CD244: variants seen among roughly 807,000 people sequenced by gnomAD.
CD244 encodes the protein CD244 molecule, also known as natural killer cell receptor 2B4.
A neutral mutation model predicts 45.5 loss-of-function variants in CD244; 20 were observed. The ratio of observed to expected loss-of-function variants is 0.44; its 90% CI spans 0.31 to 0.64. The LOEUF (loss-of-function observed/expected upper bound fraction) is 0.64, where lower values mean the gene tolerates loss of function less well. Among genes scored for constraint, CD244 ranks in the 30% least tolerant of loss-of-function variants. The probability of loss-of-function intolerance (pLI) is 0.08; values close to 1 mark genes in which losing one functional copy is unlikely to be tolerated. For synonymous variants in CD244, 185 were observed against 160.5 expected, an observed-to-expected ratio of 1.15 and a Z score of -1.15; for missense variants, 407 against 426.9, an observed-to-expected ratio of 0.95 and a Z score of 0.41.
In CD244 at chr1:160,841,727, G is replaced by T. The variant is rs1161718582; in HGVS notation, c.236C>A (p.Ser79Tyr). Residue 79 changes from serine to tyrosine, a missense_variant, in exon 2 of 9, where the codon TCC becomes TAC. Coordinates refer to ENST00000368034, the MANE Select transcript of CD244 (RefSeq NM_016382.4). ...GACTATAAAACTGAATCTATCATTG[G>T]AAGTATTGGAAGGCAAAGAGCCATT... ...WENGSLPSNTSNDRFSFIVKN... is the reference protein window; with the variant it reads ...WENGSLPSNTYNDRFSFIVKN... 1 of 1,614,162 alleles carries T rather than the reference G, an allele frequency of 6.2e-7. No individual in the cohort carries two copies.
At position 160,841,662 on chromosome 1, in the gene CD244, C is replaced by A; in HGVS notation, c.301G>T (p.Asp101Tyr). The A allele has an allele frequency of 1.2e-6, 2 of 1,614,146 alleles. No individual in the cohort carries two copies. Among genetic ancestry groups the A allele is most frequent in the Non-Finnish European group, 1.7e-6 (2 of 1,180,000 alleles). ...ACCTCCAGGCAGTAGAGGCCACTGTCCTGCTGCTGAGCTGCCTTGATGAGA... is the reference window on the plus strand; with the variant it reads ...ACCTCCAGGCAGTAGAGGCCACTGTACTGCTGCTGAGCTGCCTTGATGAGA... Reference protein sequence around the residue: ...SLLIKAAQQQDSGLYCLEVTS... With the variant: ...SLLIKAAQQQYSGLYCLEVTS... The change falls in exon 2 of 9, where the codon GAC becomes TAC. Residue 101 changes from aspartate (D) to tyrosine (Y), a missense_variant. Asp to Tyr is a radical substitution (Grantham distance 160). Coordinates refer to ENST00000368034, the MANE Select transcript of CD244 (RefSeq NM_016382.4).
intron 7 of CD244, among the ~76,000 whole-genome samples, chr1:160,833,281 A>G (rs983322263): frequency 3.9e-5 from 6 of 152,312 alleles, no homozygotes; most frequent in African/African-American, 1.4e-4. Context: ...AGGTTGAATG[A>G]AAAGTCTGAA....
At chr1:160,846,430 G>T (rs906238425) in intron 1 of CD244, among the ~76,000 whole-genome samples, 20 of 152,244 alleles carry the variant, frequency 1.3e-4, no homozygotes, top group African/African-American at 4.6e-4. Flanking sequence ...ACTTTGGGAG[G>T]CTGAAGCAGG....
At chr1:160,846,387 G>A (rs776159176) in intron 1 of CD244, among the ~76,000 whole-genome samples, 1 of 152,184 alleles carries the variant, frequency 6.6e-6, no homozygotes, top group African/African-American at 2.4e-5. Flanking sequence ...AAAGATGAAA[G>A]CAGATGCAGT....
Position 160,841,326 on chromosome 1 carries a change from A to G in CD244, c.539T>C (p.Leu180Pro). The change falls in exon 3 of 9, where the codon CTG (leucine) becomes CCG (proline). Residue 180 changes from leucine (L) to proline (P), a missense_variant. Physicochemically the swap from Leu to Pro is moderately conservative, Grantham distance 98 (BLOSUM62 -3). Coordinates refer to ENST00000368034, the MANE Select transcript of CD244 (RefSeq NM_016382.4). ...GCCATTAATGTCAACCTCCTCGTCC[A>G]GGTAGGTGAGGTTCCCTGCTGTCTG... Reference protein sequence around the residue: ...LIQTAGNLTYLDEEVDINGTH... With the variant: ...LIQTAGNLTYPDEEVDINGTH... The G allele has an allele frequency of 1.9e-6, 3 of 1,614,190 alleles. No individual in the cohort carries two copies. Among genetic ancestry groups the G allele is most frequent in the South Asian group, 2.2e-5 (2 of 91,082 alleles).
intron 5 of CD244, among the ~76,000 whole-genome samples, chr1:160,837,100 G>A (rs78457550): frequency 0.038 from 5,771 of 152,260 alleles, 310 homozygotes; most frequent in African/African-American, 0.12. Flanking sequence ...CTCAAAGTGA[G>A]ACCACATGAA....
intron 8 of CD244, 136 bp from the exon 9 acceptor site, chr1:160,831,563 T>C (rs566737748): frequency 3.0e-6 from 2 of 656,042 alleles, no homozygotes; most frequent in South Asian, 1.9e-5. Context: ...TTACTCAGGA[T>C]CCACGACTAG....
chr1:160,837,578 T>G (rs983715639), intron 5 of CD244, among the ~76,000 whole-genome samples: 4 of 152,218 alleles, frequency 2.6e-5, no homozygotes, highest in African/African-American at 9.6e-5. Flanking sequence ...GATGCTTGCC[T>G]GCTCTGCGAG....
At position 160,834,072 on chromosome 1, in the gene CD244, T is replaced by C. The variant is rs752010344; in HGVS notation, c.939A>G (p.Ser313=). 3 of 1,612,020 alleles carry C rather than the reference T, an allele frequency of 1.9e-6. No homozygotes were observed. Among genetic ancestry groups the C allele is most frequent in the African/African-American group, 1.3e-5 (1 of 74,886 alleles). The change falls in exon 7 of 9, where the codon TCA becomes TCG. Residue 313 remains serine (S), a synonymous_variant. Transcript: ENST00000368034. ...TSQEPAYTLY[S]LIQPSRKSGS... ...TCACCTTCCTGGAAGGCTGAATTAATGAATATAATGTATATGCAGGTTCTT... is the reference window on the plus strand; with the variant it reads ...TCACCTTCCTGGAAGGCTGAATTAACGAATATAATGTATATGCAGGTTCTT...
chr1:160,842,010 G>A (rs1044620325), intron 1 of CD244, 109 bp from the exon 2 acceptor site: 52 of 810,980 alleles, frequency 6.4e-5, no homozygotes, highest in Non-Finnish European at 1.0e-4. Context: ...ATGAGTATGA[G>A]GAGCCCAGAA....
At position 160,862,597 on chromosome 1, in the gene CD244, G is replaced by A. The variant is rs199618379; in HGVS notation, c.61+20C>T. On this transcript the variant is annotated intron_variant, in intron 1 of 8. Transcript: ENST00000368034. Reference sequence around the variant, plus strand: ...GCTCCTAGTCCCTCCCTCGCCCCACGCCAGGTAGGACCTCCTTACCTTTGC... The same window carrying A: ...GCTCCTAGTCCCTCCCTCGCCCCACACCAGGTAGGACCTCCTTACCTTTGC... 8.8e-5 allele frequency: 142 copies of A among 1,610,934 alleles called. No homozygotes were observed. The highest frequency in any genetic ancestry group is 1.8e-4 in the Admixed American group (11 of 59,988).
chr1:160,862,696 C>G lies in CD244; in HGVS notation c.-19G>C, dbSNP rs1257640323. On this transcript the variant is annotated 5_prime_UTR_variant, in exon 1 of 9. Coordinates refer to ENST00000368034, the MANE Select transcript of CD244 (RefSeq NM_016382.4). The stretch of plus-strand genomic sequence containing the variant: ...CCAGCATTTCCACAGGACAGAGGGG[C>G]CAGGCCAGCCCCTCCACCCCACCAG... The G allele has an allele frequency of 8.7e-6, 14 of 1,611,766 alleles. No individual in the cohort carries two copies. The highest frequency in any genetic ancestry group is 1.1e-5 in the Non-Finnish European group (13 of 1,178,680).
intron 8 of CD244, among the ~76,000 whole-genome samples, chr1:160,832,258 TCGGGGA>T (rs1414745389): frequency 6.6e-4 from 101 of 152,296 alleles, no homozygotes; most frequent in African/African-American, 2.2e-3. Context: ...GGGAACTAGC[TCGGGGA>T]CGGCCCTAAT....
At chr1:160,837,462 T>C (rs1424211182) in intron 5 of CD244, among the ~76,000 whole-genome samples, 2 of 152,096 alleles carry the variant, frequency 1.3e-5, no homozygotes, top group South Asian at 2.1e-4. Flanking sequence ...CACATTCCCA[T>C]AGCCACTGCT....
chr1:160,837,005 G>T (rs1048987699), intron 5 of CD244, among the ~76,000 whole-genome samples: 2 of 152,194 alleles, frequency 1.3e-5, no homozygotes, highest in Non-Finnish European at 2.9e-5. Flanking sequence ...AACTTCATTT[G>T]TGTTTTAAAA....
At chr1:160,852,106 T>G (rs1317841398) in intron 1 of CD244, among the ~76,000 whole-genome samples, 2 of 152,186 alleles carry the variant, frequency 1.3e-5, no homozygotes, top group Non-Finnish European at 2.9e-5. Context: ...AATACACTGA[T>G]GACAATAATG....
At chr1:160,840,418 C>T (rs546247294) in intron 3 of CD244, among the ~76,000 whole-genome samples, 9 of 152,100 alleles carry the variant, frequency 5.9e-5, no homozygotes, top group African/African-American at 1.4e-4. Flanking sequence ...CCCGCCAACA[C>T]GCCCAGCTAA....
chr1:160,846,424 T>A (rs772868755), intron 1 of CD244, among the ~76,000 whole-genome samples: 15 of 152,218 alleles, frequency 9.9e-5, no homozygotes, highest in Non-Finnish European at 1.9e-4. Flanking sequence ...CCCCGCACTT[T>A]GGGAGGCTGA....
intron 1 of CD244, among the ~76,000 whole-genome samples, chr1:160,859,365 G>C (rs553192394): frequency 6.6e-6 from 1 of 152,206 alleles, no homozygotes; most frequent in Non-Finnish European, 1.5e-5. Flanking sequence ...CTGCATGAAA[G>C]AAGAAGTCTT....
Sources: gnomAD v4.1 joint callset for allele counts (sites outside exome capture counted in the v4.1 genomes callset) on GRCh38, gnomAD v4.1.1 for gene constraint, MANE v1.5 for transcripts, NCBI Gene and HGNC (gene_info 2026-07-23, HGNC 2026-07-21) for gene names.